The following PGAP2 variants were observed in gnomAD, a reference collection of about 807,000 sequenced individuals.
PGAP2 encodes the protein acyltransferase PGAP2.
A neutral mutation model predicts 33.2 loss-of-function variants in PGAP2; 21 were observed. The ratio of observed to expected loss-of-function variants is 0.63; its 90% CI spans 0.45 to 0.91. PGAP2 has a LOEUF of 0.91. Among genes scored for constraint, PGAP2 ranks in the 40% least tolerant of loss-of-function variants. PGAP2 has a pLI of 0.00. For synonymous variants in PGAP2, 161 were observed against 172.9 expected (o/e 0.93, Z 0.54); for missense variants, 345 against 424.0 (o/e 0.81, Z 1.64).
upstream of PGAP2, among the ~76,000 whole-genome samples, chr11:3,804,778 T>G (rs2084036937): frequency 6.6e-6 from 1 of 152,218 alleles, no homozygotes; most frequent in Non-Finnish European, 1.5e-5. Flanking sequence ...GTTGGCTCAC[T>G]GCAACCTCCG....
intron 1 of PGAP2, among the ~76,000 whole-genome samples, chr11:3,798,729 C>T (rs1363054850): frequency 1.3e-5 from 2 of 150,654 alleles, no homozygotes; most frequent in Non-Finnish European, 3.0e-5. Flanking sequence ...CTGCAATCTC[C>T]GCCTCCCAGG....
intron 6 of PGAP2, 63 bp from the exon 7 acceptor site, chr11:3,825,265 A>C (rs1205412722): frequency 1.3e-6 from 2 of 1,585,658 alleles, no homozygotes; most frequent in African/African-American, 2.7e-5. Flanking sequence ...GTGATTTATC[A>C]AGAGGCCTCT....
chr11:3,812,828 G>A (rs1447390312), intron 2 of PGAP2, among the ~76,000 whole-genome samples: 1 of 152,166 alleles, frequency 6.6e-6, no homozygotes, highest in African/African-American at 2.4e-5. Flanking sequence ...TTGTCAGTGG[G>A]TAGACATGGG....
At chr11:3,812,603 A>C (rs971470176) in intron 2 of PGAP2, among the ~76,000 whole-genome samples, 1 of 152,146 alleles carries the variant, frequency 6.6e-6, no homozygotes, top group East Asian at 1.9e-4. Context: ...AATGAACTTA[A>C]CCTAGGGGCT....
intron 1 of PGAP2, among the ~76,000 whole-genome samples, chr11:3,810,160 A>T (rs1273947357): frequency 6.6e-6 from 1 of 152,178 alleles, no homozygotes; most frequent in Non-Finnish European, 1.5e-5. Context: ...CTCTATCTTT[A>T]CAATGGGAAT....
At chr11:3,807,029 A>G (rs1485952887), upstream of PGAP2, among the ~76,000 whole-genome samples, 2 of 149,094 alleles carry the variant, frequency 1.3e-5, no homozygotes, top group Admixed American at 1.3e-4. Context: ...TCCAAAAAAA[A>G]AGAGAGAAAG....
At chr11:3,814,476 C>T (rs759176650) in intron 2 of PGAP2, among the ~76,000 whole-genome samples, 4 of 152,220 alleles carry the variant, frequency 2.6e-5, no homozygotes, top group South Asian at 2.1e-4. Flanking sequence ...AGGCTCGTCT[C>T]GAACTCCTGA....
chr11:3,808,259 G>GC, upstream of PGAP2: 1 of 1,550,948 alleles, frequency 6.4e-7, no homozygotes, highest in East Asian at 2.4e-5. Context: ...AAGAAATCCG[G>GC]CCCCTGTTGA....
At chr11:3,803,717 C>T (rs1375531131), upstream of PGAP2, among the ~76,000 whole-genome samples, 3 of 152,226 alleles carry the variant, frequency 2.0e-5, no homozygotes, top group South Asian at 2.1e-4. Flanking sequence ...CCTGAGCCAC[C>T]GTGCCCAGCC....
chr11:3,821,822 A>G (rs888212801), intron 3 of PGAP2, among the ~76,000 whole-genome samples: 1 of 147,688 alleles, frequency 6.8e-6, no homozygotes, highest in Non-Finnish European at 1.5e-5. Context: ...CAGCAGTTTG[A>G]GAGGCCGAGG....
At chr11:3,802,743 A>G (rs894986431) in intron 1 of PGAP2, among the ~76,000 whole-genome samples, 3 of 151,766 alleles carry the variant, frequency 2.0e-5, no homozygotes, top group African/African-American at 7.3e-5. Context: ...TACTTTTTAT[A>G]TCTCGCCTAA....
chr11:3,798,073 G>T (rs148297801), intron 1 of PGAP2: 2 of 1,504,320 alleles, frequency 1.3e-6, no homozygotes, highest in Non-Finnish European at 1.8e-6. Flanking sequence ...CCCAGACCAC[G>T]TGCGGAGCCT....
chr11:3,821,361 G>C (rs534825946), intron 3 of PGAP2, among the ~76,000 whole-genome samples: 144 of 152,374 alleles, frequency 9.5e-4, no homozygotes, highest in African/African-American at 3.2e-3. Flanking sequence ...TTGCTGGGTT[G>C]CTGGGCTCTG....
At chr11:3,818,063 A>AAT (rs1554933515) in intron 3 of PGAP2, 2 of 151,550 alleles carry the variant, frequency 1.3e-5, no homozygotes, top group South Asian at 3.9e-5. Flanking sequence ...AAAACAAAAT[A>AAT]AAAAAAAAAA....
At chr11:3,822,964 G>T in intron 3 of PGAP2, 4 of 1,502,284 alleles carry the variant, frequency 2.7e-6, no homozygotes, top group Non-Finnish European at 3.6e-6. Flanking sequence ...AGATGCACAA[G>T]AACATGGTCA....
upstream of PGAP2, among the ~76,000 whole-genome samples, chr11:3,805,372 CCA>C (rs1460637177): frequency 1.3e-5 from 2 of 151,272 alleles, no homozygotes; most frequent in South Asian, 2.1e-4. Context: ...AGCAATCCTC[CCA>C]CCTCAGCCTC....
upstream of PGAP2, chr11:3,808,070 G>T: frequency 7.2e-7 from 1 of 1,380,886 alleles, no homozygotes; most frequent in South Asian, 1.5e-5. Flanking sequence ...GCCTCACCGG[G>T]TCTCACTGCC....
At chr11:3,801,521 A>G (rs2134123915) in intron 1 of PGAP2, among the ~76,000 whole-genome samples, 1 of 151,412 alleles carries the variant, frequency 6.6e-6, no homozygotes, top group East Asian at 2.0e-4. Flanking sequence ...AGGCGCCTGT[A>G]GTCCCAGCTA....
In PGAP2 at chr11:3,802,927, C is replaced by T. The variant is rs564522393; in HGVS notation, c.139+4945C>T. ...CTGCAAGCTCCGCCTCCCGGGTTCA[C>T]GCCATTCTCCTGCCTCAGCCTCCCG... is the stretch of plus-strand genomic sequence containing the variant. On this transcript the variant is annotated intron_variant, in intron 1 of 6. Transcript: ENST00000300730. 5.7e-4 allele frequency among the ~76,000 whole-genome samples: 85 copies of T among 148,234 alleles called. No individual in the cohort carries two copies. The South Asian group carries it at 0.015, about 26-fold the overall frequency.
Sources: gnomAD v4.1 joint callset for allele counts (sites outside exome capture counted in the v4.1 genomes callset) on GRCh38, gnomAD v4.1.1 for gene constraint, MANE v1.5 for transcripts, NCBI Gene and HGNC (gene_info 2026-07-23, HGNC 2026-07-21) for gene names.